Variants in DNAJC4 observed in about 807,000 individuals in gnomAD.
The protein encoded by DNAJC4 is dnaJ homolog subfamily C member 4.
A neutral mutation model predicts 26.8 loss-of-function variants in DNAJC4; 26 were observed. The ratio of observed to expected loss-of-function variants is 0.97; its 90% confidence interval spans 0.71 to 1.34. The LOEUF (loss-of-function observed/expected upper bound fraction) is 1.34, where lower values mean the gene tolerates loss of function less well. Among genes scored for constraint, DNAJC4 ranks in the 40% most tolerant of loss-of-function variants. The pLI is 0.00. For synonymous variants in DNAJC4, 134 were observed against 127.8 expected, an observed-to-expected ratio of 1.05 and a Z score of -0.33; for missense variants, 342 against 321.1, an observed-to-expected ratio of 1.07 and a Z score of -0.50.
Position 64,232,791 on chromosome 11 carries a change from A to G in DNAJC4, c.453A>G (p.Lys151=). The G allele has an allele frequency of 6.2e-7, 1 of 1,613,292 alleles. No homozygotes were observed. Among genetic ancestry groups the G allele is most frequent in the African/African-American group, 1.3e-5 (1 of 75,004 alleles). ...QGPQLRQQQH[K]QNKQVLGYCL... is the part of the protein sequence containing the mutation. Reference sequence around the variant, plus strand: ...CCCAGTTGAGGCAGCAGCAACACAAACAAAACAAACAAGTGCTGGGGTACT... The same window carrying G: ...CCCAGTTGAGGCAGCAGCAACACAAGCAAAACAAACAAGTGCTGGGGTACT... The change falls in exon 4 of 6, where the codon AAA becomes AAG. Residue 151 remains lysine (K), a synonymous_variant. Coordinates refer to ENST00000628077, the MANE Select transcript of DNAJC4 (RefSeq NM_005528.4).
At chr11:64,231,025 G>A (rs1323183449) in intron 1 of DNAJC4, 85 bp downstream of exon 1, 2 of 1,488,124 alleles carry the variant, frequency 1.3e-6, no homozygotes. Context: ...TCTCTACTCC[G>A]TGTCAGGAGG....
intron 1 of DNAJC4, 142 bp from the exon 2 acceptor site, chr11:64,231,729 A>C: frequency 1.5e-6 from 1 of 680,116 alleles, no homozygotes; most frequent in Non-Finnish European, 2.6e-6. Context: ...GGGGGTGCTG[A>C]TCTGGAGACA....
Position 64,234,131 on chromosome 11 carries a change from C to T in DNAJC4, c.673C>T (p.Pro225Ser). Reference protein sequence around the residue: ...RQRLGQRQPPPSEPTQGPEIV... With the variant: ...RQRLGQRQPPSSEPTQGPEIV... ...ACGGCTAGGGCAGCGGCAGCCGCCACCATCCGAGCCAACCCAAGGCCCCGA... is the reference window on the plus strand; with the variant it reads ...ACGGCTAGGGCAGCGGCAGCCGCCATCATCCGAGCCAACCCAAGGCCCCGA... The change falls in exon 6 of 6, where the codon CCA becomes TCA. Residue 225 changes from proline (P) to serine (S), a missense_variant. Pro to Ser is a moderately conservative substitution (Grantham distance 74). Coordinates refer to ENST00000628077, the MANE Select transcript of DNAJC4 (RefSeq NM_005528.4). The surrounding 1 kb of genome is among the most constrained non-coding windows in gnomAD (Gnocchi z 5.3). 1 of 1,598,522 alleles carries T rather than the reference C, an allele frequency of 6.3e-7. No homozygotes were observed. The highest frequency in any genetic ancestry group is 1.1e-5 in the South Asian group (1 of 89,810).
chr11:64,233,942 C>G lies in DNAJC4; in HGVS notation c.576C>G (p.Ile192Met). 6.2e-7 allele frequency: 1 copy of G among 1,614,108 alleles called. No individual in the cohort carries two copies. The highest frequency in any genetic ancestry group is 1.7e-5 in the Admixed American group (1 of 60,034). The change falls in exon 5 of 6, where the codon ATC becomes ATG. Residue 192 changes from isoleucine (I) to methionine (M), a missense_variant. Transcript: ENST00000628077. ...ACTTCATGGATGAAAAGGATCGGAT[C>G]ATCACAGCCTTCTACAACGAAGCCC... is the stretch of plus-strand genomic sequence containing the variant. ...HLNFMDEKDR[I>M]ITAFYNEARA...
chr11:64,232,890 A>G (rs1947195468), intron 4 of DNAJC4, 25 bp downstream of exon 4: 10 of 1,548,934 alleles, frequency 6.5e-6, no homozygotes, highest in Non-Finnish European at 8.8e-6. Flanking sequence ...CCCCGGGGTG[A>G]TGGGCAGAGG....
At chr11:64,233,782 T>C (rs1947208352) in intron 4 of DNAJC4, 112 bp from the exon 5 acceptor site, 1 of 1,444,404 alleles carries the variant, frequency 6.9e-7, no homozygotes, top group East Asian at 2.3e-5. Flanking sequence ...CTGAGGTTCC[T>C]AACCCTGTGT....
chr11:64,231,610 G>T, intron 1 of DNAJC4: 1 of 403,502 alleles, frequency 2.5e-6, no homozygotes, highest in Non-Finnish European at 4.5e-6. Flanking sequence ...CAAAATGCTG[G>T]ATTACAGGCG....
In DNAJC4 at chr11:64,234,267, A is replaced by G. The variant is rs971975138; in HGVS notation, c.*83A>G. ...GCCCGCTCCCCGAAACGCGCGCAAT[A>G]AAGTGATTCGCAGAGCTCGTGTCCG... On this transcript the variant is annotated 3_prime_UTR_variant, in exon 6 of 6. Coordinates refer to ENST00000628077, the MANE Select transcript of DNAJC4 (RefSeq NM_005528.4). The surrounding 1 kb of genome is among the most constrained non-coding windows in gnomAD (Gnocchi z 5.3). 6 of 1,474,664 alleles carry G rather than the reference A, an allele frequency of 4.1e-6. No homozygotes were observed. In the African/African-American group the frequency reaches 8.4e-5, roughly 21 times the overall value. The allele number at this position is 1,474,664 out of a possible 1,614,324, so 91.3% of individuals were successfully genotyped here.
intron 1 of DNAJC4, 61 bp downstream of exon 1, chr11:64,231,001 T>A (rs1382114381): frequency 6.5e-7 from 1 of 1,528,760 alleles, no homozygotes; most frequent in East Asian, 2.4e-5. Context: ...CCCTACGTGC[T>A]GAGTTAGTTG....
intron 3 of DNAJC4, 30 bp downstream of exon 3, chr11:64,232,644 AC>A: frequency 6.3e-7 from 1 of 1,576,444 alleles, no homozygotes; most frequent in Non-Finnish European, 8.7e-7. Context: ...AGCTTGCCCC[AC>A]CCCCAGGTCT....
intron 3 of DNAJC4, 26 bp from the exon 4 acceptor site, chr11:64,232,678 A>C (rs760482568): frequency 7.0e-6 from 11 of 1,579,258 alleles, no homozygotes; most frequent in Admixed American, 1.7e-5. Context: ...CATTTCCACA[A>C]TGTCCCTTCC....
rs765709045 is a variant in DNAJC4 at position 64,230,886 on chromosome 11, G to A, written c.32G>A (p.Arg11Gln). 2 of 1,596,240 alleles carry A rather than the reference G, an allele frequency of 1.3e-6. No individual in the cohort carries two copies. MPPLLPLRLC[R>Q]LWPRNPPSRL... Reference sequence around the variant, plus strand: ...CCCTTACTGCCCCTGCGCCTGTGCCGGCTGTGGCCCCGCAACCCTCCCTCC... The same window carrying A: ...CCCTTACTGCCCCTGCGCCTGTGCCAGCTGTGGCCCCGCAACCCTCCCTCC... Residue 11 changes from arginine (R) to glutamine (Q), a missense_variant, in exon 1 of 6, where the codon CGG becomes CAG. Physicochemically the swap from Arg to Gln is conservative, Grantham distance 43. Coordinates refer to ENST00000628077, the MANE Select transcript of DNAJC4 (RefSeq NM_005528.4).
Position 64,234,107 on chromosome 11 carries a change from C to A in DNAJC4, c.649C>A (p.Arg217=). The A allele has an allele frequency of 6.2e-7, 1 of 1,607,444 alleles. No homozygotes were observed. Among genetic ancestry groups the A allele is most frequent in the South Asian group, 1.1e-5 (1 of 90,658 alleles). Residue 217 remains arginine (R), a synonymous_variant, in exon 6 of 6, where the codon CGG becomes AGG. Coordinates refer to ENST00000628077, the MANE Select transcript of DNAJC4 (RefSeq NM_005528.4). The surrounding 1 kb of genome is among the most constrained non-coding windows in gnomAD (Gnocchi z 5.3). ...NRGILQQERQ[R]LGQRQPPPSE... is the part of the protein sequence containing the mutation. ...AGGCATCCTTCAGCAGGAGCGACAA[C>A]GGCTAGGGCAGCGGCAGCCGCCACC...
At chr11:64,230,501 C>T (rs952514064), upstream of DNAJC4, 4 of 567,578 alleles carry the variant, frequency 7.0e-6, no homozygotes, top group Non-Finnish European at 1.3e-5. Context: ...CAGGAAATGG[C>T]GACGGCCGCG....
Position 64,230,675 on chromosome 11 carries a change from C to A in DNAJC4, c.-180C>A. ...GCCCGGGTCAGAGGAAGGGGCAGGT[C>A]CAAGGACACGCGGGTCTGGTCCTGG... is the stretch of plus-strand genomic sequence containing the variant. On this transcript the variant is annotated 5_prime_UTR_variant, in exon 1 of 6. Coordinates refer to ENST00000628077, the MANE Select transcript of DNAJC4 (RefSeq NM_005528.4). 1.2e-6 allele frequency: 1 copy of A among 828,786 alleles called. No individual in the cohort carries two copies. Among genetic ancestry groups the A allele is most frequent in the South Asian group, 1.6e-5 (1 of 61,196 alleles). 51.3% of individuals were successfully genotyped at this position (828,786 alleles called of 1,614,324 possible).
At chr11:64,231,726 C>A in intron 1 of DNAJC4, 145 bp from the exon 2 acceptor site, 1 of 665,762 alleles carries the variant, frequency 1.5e-6, no homozygotes, top group Non-Finnish European at 2.6e-6. Context: ...AAAGGGGGTG[C>A]TGATCTGGAG....
At position 64,230,672 on chromosome 11, in the gene DNAJC4, G is replaced by C. The variant is rs1338898331; in HGVS notation, c.-183G>C. On this transcript the variant is annotated 5_prime_UTR_variant, in exon 1 of 6. Transcript: ENST00000628077. ...GATGCCCGGGTCAGAGGAAGGGGCA[G>C]GTCCAAGGACACGCGGGTCTGGTCC... 1.9e-5 allele frequency: 15 copies of C among 803,532 alleles called. No homozygotes were observed. Among genetic ancestry groups the C allele is most frequent in the Non-Finnish European group, 3.0e-5 (15 of 503,230 alleles). 49.8% of individuals were successfully genotyped at this position (803,532 alleles called of 1,614,324 possible). A position where few individuals can be genotyped will look rare whatever the true frequency, so the allele number is the denominator to read the frequency against.
chr11:64,230,601 C>G lies in DNAJC4; in HGVS notation c.-254C>G, dbSNP rs1223839365. The G allele has an allele frequency of 1.6e-6, 1 of 616,262 alleles. No homozygotes were observed. Among genetic ancestry groups the G allele is most frequent in the Non-Finnish European group, 2.9e-6 (1 of 345,406 alleles). 38.2% of individuals were successfully genotyped at this position (616,262 alleles called of 1,614,324 possible). On this transcript the variant is annotated 5_prime_UTR_variant, in exon 1 of 6. Coordinates refer to ENST00000628077, the MANE Select transcript of DNAJC4 (RefSeq NM_005528.4). ...GGGTGGGAACGGGGTCTTGGGGTCC[C>G]TGGCTGGGTGGCCAGACCCCGAAGC...
At position 64,230,839 on chromosome 11, in the gene DNAJC4, C is replaced by T. The variant is rs1363051630; in HGVS notation, c.-16C>T. ...CGCTCTTGGTAGCCTCCTTTCCCAG[C>T]TGCCCGCCCGCCGCCATGCCGCCCT... On this transcript the variant is annotated 5_prime_UTR_variant, in exon 1 of 6. Transcript: ENST00000628077. 1 of 1,592,224 alleles carries T rather than the reference C, an allele frequency of 6.3e-7. No individual in the cohort carries two copies. Among genetic ancestry groups the T allele is most frequent in the Non-Finnish European group, 8.5e-7 (1 of 1,171,600 alleles).
Sources: allele counts gnomAD v4.1 joint callset, GRCh38; gene constraint gnomAD v4.1.1; non-coding constraint Gnocchi (gnomAD v3.1); transcripts MANE v1.5; gene names NCBI Gene and HGNC (gene_info 2026-07-23, HGNC 2026-07-21).